Variants in CALHM4 observed in about 807,000 individuals in gnomAD.
CALHM4 encodes calcium homeostasis modulator protein 4.
A neutral mutation model predicts 13.3 loss-of-function variants in CALHM4; 16 were observed. The ratio of observed to expected loss-of-function variants is 1.20; its 90% confidence interval spans 0.81 to 1.82. CALHM4 has a LOEUF of 1.82. Ranked by LOEUF, CALHM4 falls within the 40% of genes most tolerant of loss-of-function variation. CALHM4 has a pLI of 0.00. For missense variants in CALHM4, 344 were observed against 374.9 expected (o/e 0.92, Z 0.68); for synonymous variants, 127 against 137.1 (o/e 0.93, Z 0.52).
chr6:116,554,148 C>A lies in CALHM4; in HGVS notation c.355C>A (p.Leu119Met), dbSNP rs1774202842. 1.9e-6 allele frequency: 3 copies of A among 1,550,498 alleles called. No individual in the cohort carries two copies. Among genetic ancestry groups the A allele is most frequent in the African/African-American group, 2.7e-5 (2 of 73,118 alleles). The stretch of plus-strand genomic sequence containing the variant: ...GGCAGTTATTGCTCCTTTAACTTGG[C>A]TGGCGGTGACCCTGCTGACAGGCAC... The part of the protein sequence containing the change: ...GRAVIAPLTW[L>M]AVTLLTGTYY... Residue 119 changes from leucine (L) to methionine (M), a missense_variant, in exon 1 of 2, where the codon CTG becomes ATG. Leu to Met is a conservative substitution (Grantham distance 15). Transcript: ENST00000368596.
At chr6:116,547,130 T>G (rs1434603991) in intron 2 of CALHM4, among the ~76,000 whole-genome samples, 2 of 152,172 alleles carry the variant, frequency 1.3e-5, no homozygotes, top group Admixed American at 1.3e-4. Context: ...CAAATTTATT[T>G]TGTACCGCAC....
rs1036280087 is a variant in CALHM4, at chr6:116,559,571, A to G, written c.*1360A>G. On this transcript the variant is annotated 3_prime_UTR_variant, in exon 2 of 2. Coordinates refer to ENST00000368596, the MANE Select transcript of CALHM4 (RefSeq NM_001366078.2). ...CCTTCAATAAGAGACTGCATATTGT[A>G]GCTCTTTGCTGGGACAGGAGAACTG... is the stretch of plus-strand genomic sequence containing the variant. 1.3e-5 allele frequency among the ~76,000 whole-genome samples: 2 copies of G among 152,186 alleles called. No individual in the cohort carries two copies. The highest frequency in any genetic ancestry group is 3.8e-4 in the East Asian group (2 of 5,196).
intron 1 of CALHM4, among the ~76,000 whole-genome samples, chr6:116,530,472 T>C (rs1772631031): frequency 6.6e-6 from 1 of 152,200 alleles, no homozygotes; most frequent in African/African-American, 2.4e-5. Context: ...ACTTTTGTAA[T>C]TGGTTCCTTT....
chr6:116,529,911 G>A (rs1772593434), intron 1 of CALHM4, among the ~76,000 whole-genome samples: 1 of 152,116 alleles, frequency 6.6e-6, no homozygotes. Context: ...GAGGGTTGAG[G>A]AATGGAAAGC....
intron 1 of CALHM4, among the ~76,000 whole-genome samples, chr6:116,536,787 G>A (rs1773123677): frequency 6.6e-6 from 1 of 152,178 alleles, no homozygotes; most frequent in African/African-American, 2.4e-5. Flanking sequence ...TCTTGACTCT[G>A]CCATGCTCTG....
intron 1 of CALHM4, among the ~76,000 whole-genome samples, chr6:116,541,940 T>C (rs1013618190): frequency 1.3e-5 from 2 of 152,178 alleles, no homozygotes; most frequent in Non-Finnish European, 2.9e-5. Flanking sequence ...ATTTTTTTCT[T>C]AAGGAAAGAT....
At chr6:116,535,874 A>C (rs1466774042) in intron 1 of CALHM4, among the ~76,000 whole-genome samples, 1 of 152,234 alleles carries the variant, frequency 6.6e-6, no homozygotes, top group African/African-American at 2.4e-5. Flanking sequence ...GGCTTTTCTT[A>C]CTATGTGTCC....
chr6:116,543,076 A>G (rs917166130), intron 1 of CALHM4, among the ~76,000 whole-genome samples: 2 of 152,192 alleles, frequency 1.3e-5, no homozygotes, highest in Admixed American at 6.6e-5. Context: ...CTAACTAAAG[A>G]GAAAACATCC....
upstream of CALHM4, among the ~76,000 whole-genome samples, chr6:116,549,273 G>A (rs775624389): frequency 1.3e-5 from 2 of 152,178 alleles, no homozygotes; most frequent in Admixed American, 6.5e-5. Flanking sequence ...GTGACAGAGT[G>A]AGACTCCGTC....
At chr6:116,541,061 A>G (rs1174625673) in intron 1 of CALHM4, among the ~76,000 whole-genome samples, 1 of 152,156 alleles carries the variant, frequency 6.6e-6, no homozygotes, top group East Asian at 1.9e-4. Context: ...GAAACAAACT[A>G]TGGGATTGGG....
At chr6:116,551,016 G>A (rs1774053995), upstream of CALHM4, among the ~76,000 whole-genome samples, 1 of 152,108 alleles carries the variant, frequency 6.6e-6, no homozygotes, top group Non-Finnish European at 1.5e-5. Context: ...TAACCTCTGT[G>A]CCCCAAGGCC....
rs979201804 is a variant in CALHM4, at chr6:116,560,912, A to G, written c.*2701A>G. On this transcript the variant is annotated 3_prime_UTR_variant, in exon 2 of 2. Coordinates refer to ENST00000368596, the MANE Select transcript of CALHM4 (RefSeq NM_001366078.2). ...ATTTCATTAGCTCCTCCACGGTCCC[A>G]TCATGACCTAAGTTGCCACCTTCCC... Among the ~76,000 whole-genome samples the G allele has an allele frequency of 6.6e-6, 1 of 152,214 alleles. No individual in the cohort carries two copies. The highest frequency in any genetic ancestry group is 1.5e-5 in the Non-Finnish European group (1 of 68,042).
In CALHM4 at chr6:116,558,210, G is replaced by A; in HGVS notation, c.944G>A (p.Ter315=). ...TCAAGAGGTATTGAATTAAAACCTT[G>A]ATTACAGCACCTTTCATGAGTCAGG... ...DRSRGIELKP[*] Residue 315 remains the stop codon, a stop_retained_variant, in exon 2 of 2, where the codon TGA becomes TAA. Coordinates refer to ENST00000368596, the MANE Select transcript of CALHM4 (RefSeq NM_001366078.2). The A allele has an allele frequency of 6.2e-7, 1 of 1,607,902 alleles. No homozygotes were observed. Among genetic ancestry groups the A allele is most frequent in the Non-Finnish European group, 8.5e-7 (1 of 1,177,856 alleles).
chr6:116,535,344 T>C (rs1773009423), intron 1 of CALHM4, among the ~76,000 whole-genome samples: 2 of 152,220 alleles, frequency 1.3e-5, no homozygotes, highest in African/African-American at 4.8e-5. Flanking sequence ...CTCCACTACA[T>C]TGGACATGGT....
chr6:116,532,273 T>C (rs1422221254), intron 1 of CALHM4, among the ~76,000 whole-genome samples: 1 of 152,208 alleles, frequency 6.6e-6, no homozygotes, highest in East Asian at 1.9e-4. Flanking sequence ...GTCTTTTTTT[T>C]CCTTTTTCTG....
In CALHM4 at chr6:116,561,084, A is replaced by T. The variant is rs527801671; in HGVS notation, c.*2873A>T. Among the ~76,000 whole-genome samples the T allele has an allele frequency of 6.6e-6, 1 of 152,262 alleles. No individual in the cohort carries two copies. The highest frequency in any genetic ancestry group is 2.4e-5 in the African/African-American group (1 of 41,532). On this transcript the variant is annotated 3_prime_UTR_variant, in exon 2 of 2. Transcript: ENST00000368596. ...CAGTCTTCCATTCATTTTTTGTAGAAATTCTAATGCATGATTGTAATAAAC... is the reference window on the plus strand; with the variant it reads ...CAGTCTTCCATTCATTTTTTGTAGATATTCTAATGCATGATTGTAATAAAC...
At chr6:116,544,771 G>T (rs1479790667) in intron 2 of CALHM4, among the ~76,000 whole-genome samples, 1 of 152,060 alleles carries the variant, frequency 6.6e-6, no homozygotes, top group Non-Finnish European at 1.5e-5. Context: ...ATGCTAGTTA[G>T]TCACTACAAT....
intron 1 of CALHM4, chr6:116,540,556 G>T: frequency 7.9e-7 from 1 of 1,273,764 alleles, no homozygotes; most frequent in Non-Finnish European, 1.1e-6. Flanking sequence ...TAGCACTTGT[G>T]CAAGTGAATC....
chr6:116,539,937 CT>C (rs1773331662), intron 1 of CALHM4, among the ~76,000 whole-genome samples: 1 of 152,166 alleles, frequency 6.6e-6, no homozygotes, highest in Admixed American at 6.6e-5. Flanking sequence ...ACAGGAAGTT[CT>C]GTTTTTCTCT....
Sources: allele counts gnomAD v4.1 joint callset (sites outside exome capture counted in the v4.1 genomes callset), GRCh38; gene constraint gnomAD v4.1.1; transcripts MANE v1.5; gene names NCBI Gene and HGNC (gene_info 2026-07-23, HGNC 2026-07-21).